ZNF26: variants seen among roughly 807,000 people sequenced by gnomAD.
The protein encoded by ZNF26 is zinc finger protein 26.
Under a neutral mutation model 54.9 loss-of-function variants are expected in ZNF26, and 32 were observed. The observed-to-expected ratio is 0.58, with a 90% CI of 0.44 to 0.78. ZNF26 has a LOEUF of 0.78. Ranked by LOEUF, ZNF26 falls within the 30% of genes least tolerant of loss-of-function variation. ZNF26 has a pLI of 0.00. For missense variants in ZNF26, 524 were observed against 634.0 expected, an observed-to-expected ratio of 0.83 and a Z score of 1.86; for synonymous variants, 221 against 209.2, an observed-to-expected ratio of 1.06 and a Z score of -0.49.
rs1953654942 is a variant in ZNF26 at position 133,022,343 on chromosome 12, G to C, written c.*10862G>C. ...AATATAAAATGGGATTTAACAAATT[G>C]AATCAATTTTCAGTGGCATCAAAAT... On this transcript the variant is annotated 3_prime_UTR_variant, in exon 4 of 4. Coordinates refer to ENST00000328654, the MANE Select transcript of ZNF26 (RefSeq NM_019591.4). 1 of 152,122 alleles carries C rather than the reference G, an allele frequency of 6.6e-6. No homozygotes were observed. The highest frequency in any genetic ancestry group is 2.4e-5 in the African/African-American group (1 of 41,410). 9.4% of individuals were successfully genotyped at this position (152,122 alleles called of 1,614,324 possible).
At position 133,011,560 on chromosome 12, in the gene ZNF26, C is replaced by CGA; in HGVS notation, c.*79_*80insGA. The CGA allele has an allele frequency of 3.6e-6, 5 of 1,399,036 alleles. No individual in the cohort carries two copies. In the South Asian group the frequency reaches 5.2e-5, roughly 15 times the overall value. 86.7% of individuals were successfully genotyped at this position (1,399,036 alleles called of 1,614,324 possible). On this transcript the variant is annotated 3_prime_UTR_variant, in exon 4 of 4. Coordinates refer to ENST00000328654, the MANE Select transcript of ZNF26 (RefSeq NM_019591.4). Reference sequence around the variant, plus strand: ...ATAGACAGGATTTACAAGCAGGAGGCCCTAAAATTACACTCATGTCAAAAA... The same window carrying CGA: ...ATAGACAGGATTTACAAGCAGGAGGCGACCTAAAATTACACTCATGTCAAAAA...
At chr12:132,987,976 C>T (rs1399841583) in intron 1 of ZNF26, among the ~76,000 whole-genome samples, 1 of 152,214 alleles carries the variant, frequency 6.6e-6, no homozygotes, top group African/African-American at 2.4e-5. Flanking sequence ...ACCACACTGC[C>T]ACACTGTCTT....
At chr12:133,010,019 TG>T in intron 3 of ZNF26, 116 bp from the exon 4 acceptor site, 1 of 1,078,758 alleles carries the variant, frequency 9.3e-7, no homozygotes, top group Non-Finnish European at 1.3e-6. Context: ...TGAACCAGTG[TG>T]GTAGGCTTGT....
Position 133,007,171 on chromosome 12 carries a change from A to G in ZNF26, c.160+3A>G. 1 of 1,613,848 alleles carries G rather than the reference A, an allele frequency of 6.2e-7. No homozygotes were observed. ...CTATCATAACCTGATATCAGTGGGT[A>G]AGTACTGCGTCTCAATGTTACTCAG... On this transcript the variant is annotated splice_donor_region_variant and intron_variant, in intron 2 of 3. Coordinates refer to ENST00000328654, the MANE Select transcript of ZNF26 (RefSeq NM_019591.4).
rs1223986787 is a variant in ZNF26, at chr12:133,011,661, T to G, written c.*180T>G. The G allele has an allele frequency of 8.3e-6, 4 of 484,670 alleles. No homozygotes were observed. Among genetic ancestry groups the G allele is most frequent in the African/African-American group, 7.9e-5 (4 of 50,728 alleles). 30.0% of individuals were successfully genotyped at this position (484,670 alleles called of 1,614,324 possible). A position where few individuals can be genotyped will look rare whatever the true frequency, so the allele number is the denominator to read the frequency against. On this transcript the variant is annotated 3_prime_UTR_variant, in exon 4 of 4. Coordinates refer to ENST00000328654, the MANE Select transcript of ZNF26 (RefSeq NM_019591.4). ...GAAATAAGTTACAAATCTTTGTAGA[T>G]GAAAATAATGGAAGGAATGTGGAGC...
rs1277505129 is a variant in ZNF26 at position 133,020,082 on chromosome 12, T to A, written c.*8601T>A. On this transcript the variant is annotated 3_prime_UTR_variant, in exon 4 of 4. Coordinates refer to ENST00000328654, the MANE Select transcript of ZNF26 (RefSeq NM_019591.4). ...CTGCCCTCCAGCCTGGGCGACAGAG[T>A]AAAGCTCCATCTCAAAAAACAAAAC... is the stretch of plus-strand genomic sequence containing the variant. 1.5e-5 allele frequency: 2 copies of A among 133,586 alleles called. No homozygotes were observed. Among genetic ancestry groups the A allele is most frequent in the African/African-American group, 5.6e-5 (2 of 35,854 alleles). The allele number at this position is 133,586 out of a possible 1,614,324, so 8.3% of individuals were successfully genotyped here.
chr12:133,002,679 A>G (rs1168468991), intron 1 of ZNF26, among the ~76,000 whole-genome samples: 2 of 151,804 alleles, frequency 1.3e-5, no homozygotes, highest in East Asian at 1.9e-4. Context: ...GCTGGAGTGC[A>G]GTGGTGCGAT....
Position 133,018,700 on chromosome 12 carries a change from T to C in ZNF26, c.*7219T>C, listed in dbSNP as rs1953599640. Reference sequence around the variant, plus strand: ...TCTATTGCCCAGGCTGGAGTGCAGTTGCATGATCATAGCTCACTGCAGCCT... The same window carrying C: ...TCTATTGCCCAGGCTGGAGTGCAGTCGCATGATCATAGCTCACTGCAGCCT... On this transcript the variant is annotated 3_prime_UTR_variant, in exon 4 of 4. Transcript: ENST00000328654. 1 of 152,160 alleles carries C rather than the reference T, an allele frequency of 6.6e-6. No individual in the cohort carries two copies. Among genetic ancestry groups the C allele is most frequent in the Non-Finnish European group, 1.5e-5 (1 of 68,018 alleles). The allele number at this position is 152,160 out of a possible 1,614,324, so 9.4% of individuals were successfully genotyped here.
At position 132,989,022 on chromosome 12, in the gene ZNF26, C is replaced by A. The variant is rs57326259; in HGVS notation, c.33+2149C>A. ...TAATCATGTAGTTCCAGGAGTCTTTCGGTGAATTTTTTTTTTTTTTTTTTT... is the reference window on the plus strand; with the variant it reads ...TAATCATGTAGTTCCAGGAGTCTTTAGGTGAATTTTTTTTTTTTTTTTTTT... On this transcript the variant is annotated intron_variant, in intron 1 of 3. Coordinates refer to ENST00000328654, the MANE Select transcript of ZNF26 (RefSeq NM_019591.4). Among the ~76,000 whole-genome samples the A allele has an allele frequency of 2.7e-4, 34 of 124,162 alleles. No homozygotes were observed. In the East Asian group the frequency reaches 6.5e-3, roughly 24 times the overall value. The allele number at this position is 124,162 out of a possible 152,430, so 81.5% of individuals were successfully genotyped here.
intron 1 of ZNF26, among the ~76,000 whole-genome samples, chr12:132,995,546 A>G (rs893814722): frequency 3.9e-5 from 6 of 152,262 alleles, no homozygotes; most frequent in Non-Finnish European, 8.8e-5. Context: ...TTTATCAATT[A>G]TCTGCCTATT....
chr12:132,987,813 A>G lies in ZNF26; in HGVS notation c.33+940A>G, dbSNP rs1032909386. ...AAAGGAAAGGACACACGGTGGAGAA[A>G]GGCTGTTGTGCTAAAGAAACGAGAG... On this transcript the variant is annotated intron_variant, in intron 1 of 3. Coordinates refer to ENST00000328654, the MANE Select transcript of ZNF26 (RefSeq NM_019591.4). 52 of 811,372 alleles carry G rather than the reference A, an allele frequency of 6.4e-5. No individual in the cohort carries two copies. The African/African-American group carries it at 7.6e-4, about 12-fold the overall frequency. The allele number at this position is 811,372 out of a possible 1,614,324, so 50.3% of individuals were successfully genotyped here.
At chr12:133,006,980 G>T (rs1042714277) in intron 1 of ZNF26, 62 bp from the exon 2 acceptor site, 54 of 1,588,948 alleles carry the variant, frequency 3.4e-5, no homozygotes, top group Non-Finnish European at 4.3e-5. Context: ...CAGTTCCTCT[G>T]CATCTTTTCC....
intron 1 of ZNF26, among the ~76,000 whole-genome samples, chr12:132,997,297 A>G (rs891299131): frequency 1.3e-5 from 2 of 152,218 alleles, no homozygotes; most frequent in Non-Finnish European, 2.9e-5. Flanking sequence ...GATGGAGTCC[A>G]GAACAGGGGT....
rs992076802 is a variant in ZNF26 at position 133,011,013 on chromosome 12, C to T, written c.1134C>T (p.Ala378=). The T allele has an allele frequency of 5.6e-6, 9 of 1,613,986 alleles. No homozygotes were observed. In the African/African-American group the frequency reaches 1.2e-4, roughly 22 times the overall value. ...ATCAATGCGGTGAATGTGGGAAAGC[C>T]TTTGGTAGGAAGGAACAGCTCACTG... ...NPYQCGECGK[A]FGRKEQLTAH... Residue 378 remains alanine (A), a synonymous_variant, in exon 4 of 4, where the codon GCC becomes GCT. Transcript: ENST00000328654.
rs1180838646 is a variant in ZNF26, at chr12:133,001,162, C to T, written c.34-5880C>T. On this transcript the variant is annotated intron_variant, in intron 1 of 3. Transcript: ENST00000328654. This position sits in a 1 kb window ranked among gnomAD's most constrained non-coding sequence, Gnocchi z 4.7. ...GGCACAGTAGTGGCTTCATTTTTCT[C>T]ATCACAGCCTCAGGCTTCCTGTCAG... Among the ~76,000 whole-genome samples the T allele has an allele frequency of 6.6e-6, 1 of 152,184 alleles. No homozygotes were observed. The highest frequency in any genetic ancestry group is 1.5e-5 in the Non-Finnish European group (1 of 68,026).
intron 3 of ZNF26, among the ~76,000 whole-genome samples, chr12:133,009,549 G>A (rs1248239303): frequency 1.7e-4 from 25 of 151,428 alleles, no homozygotes; most frequent in Admixed American, 9.9e-4. Flanking sequence ...CCAAGATTGC[G>A]CCACTGCACT....
chr12:133,018,663 A>G lies in ZNF26; in HGVS notation c.*7182A>G, dbSNP rs774762303. ...CTATATCAATAATAACTTTTTTTTAAGAGGGTCTTGCTCTATTGCCCAGGC... is the reference window on the plus strand; with the variant it reads ...CTATATCAATAATAACTTTTTTTTAGGAGGGTCTTGCTCTATTGCCCAGGC... On this transcript the variant is annotated 3_prime_UTR_variant, in exon 4 of 4. Transcript: ENST00000328654. The G allele has an allele frequency of 7.2e-5, 11 of 152,204 alleles. No individual in the cohort carries two copies. The highest frequency in any genetic ancestry group is 1.6e-4 in the Non-Finnish European group (11 of 68,032). 9.4% of individuals were successfully genotyped at this position (152,204 alleles called of 1,614,324 possible).
intron 3 of ZNF26, 48 bp from the exon 4 acceptor site, chr12:133,010,088 G>T (rs1953435497): frequency 6.5e-6 from 10 of 1,537,032 alleles, no homozygotes; most frequent in Non-Finnish European, 8.7e-6. Context: ...TTCCATATCA[G>T]GTTTATGTTA....
In ZNF26 at chr12:133,020,715, C is replaced by T. The variant is rs1372710730; in HGVS notation, c.*9234C>T. On this transcript the variant is annotated 3_prime_UTR_variant, in exon 4 of 4. Coordinates refer to ENST00000328654, the MANE Select transcript of ZNF26 (RefSeq NM_019591.4). ...GGCTTAAACAACACAGATATATTGT[C>T]TTACTGTTCTGGAGCCTCCATGTTT... 2.0e-5 allele frequency: 3 copies of T among 152,172 alleles called. No individual in the cohort carries two copies. Among genetic ancestry groups the T allele is most frequent in the Non-Finnish European group, 2.9e-5 (2 of 68,036 alleles). The allele number at this position is 152,172 out of a possible 1,614,324, so 9.4% of individuals were successfully genotyped here.
Sources: allele counts gnomAD v4.1 joint callset (sites outside exome capture counted in the v4.1 genomes callset), GRCh38; gene constraint gnomAD v4.1.1; non-coding constraint Gnocchi (gnomAD v3.1); transcripts MANE v1.5; gene names NCBI Gene and HGNC (gene_info 2026-07-23, HGNC 2026-07-21).